The following FAM20C variants were observed in gnomAD, a reference collection of about 807,000 sequenced individuals.
FAM20C encodes FAM20C golgi associated secretory pathway kinase.
A neutral mutation model predicts 51.5 loss-of-function variants in FAM20C; 40 were observed. That is an observed-to-expected ratio of 0.78 (90% CI 0.60 to 1.01). The LOEUF (loss-of-function observed/expected upper bound fraction) is 1.01, where lower values mean the gene tolerates loss of function less well. FAM20C is among the 50% of genes least tolerant of loss of function. FAM20C has a pLI of 0.00. For missense variants in FAM20C, 861 were observed against 844.7 expected, an observed-to-expected ratio of 1.02 and a Z score of -0.24; for synonymous variants, 406 against 380.6, an observed-to-expected ratio of 1.07 and a Z score of -0.78.
At chr7:200,162 C>T (rs1292471192) in intron 2 of FAM20C, among the ~76,000 whole-genome samples, 1 of 152,212 alleles carries the variant, frequency 6.6e-6, no homozygotes, top group South Asian at 2.1e-4. Flanking sequence ...CGTGTCTGTT[C>T]CTTGGGAGCA....
intron 3 of FAM20C, 62 bp from the exon 4 acceptor site, chr7:246,353 C>T: frequency 7.2e-7 from 1 of 1,393,338 alleles, no homozygotes; most frequent in Non-Finnish European, 9.8e-7. Context: ...GTCCCGCCTG[C>T]CTCCGGCCCC....
At chr7:259,204 C>T (rs562589640) in intron 9 of FAM20C, among the ~76,000 whole-genome samples, 10 of 148,486 alleles carry the variant, frequency 6.7e-5, no homozygotes, top group East Asian at 3.9e-4. Flanking sequence ...GTGAGTGGGC[C>T]GCCCTCCTCA....
In FAM20C at chr7:255,899, C is replaced by T; in HGVS notation, c.1123C>T (p.His375Tyr). The part of the protein sequence containing the change: ...GECSYYCSTE[H>Y]ALCGKPDQIE... The stretch of plus-strand genomic sequence containing the variant: ...GTGTTCCTACTACTGCTCCACGGAG[C>T]ACGCCCTGTGCGGGAAGCCAGACCA... Residue 375 changes from histidine (H) to tyrosine (Y), a missense_variant, in exon 6 of 10, where the codon CAC becomes TAC. By Grantham distance (83) the His-to-Tyr change is moderately conservative (BLOSUM62 2). Coordinates refer to ENST00000313766, the MANE Select transcript of FAM20C (RefSeq NM_020223.4). 2 of 1,536,442 alleles carry T rather than the reference C, an allele frequency of 1.3e-6. No homozygotes were observed. Among genetic ancestry groups the T allele is most frequent in the Non-Finnish European group, 8.7e-7 (1 of 1,146,864 alleles).
chr7:247,443 G>A (rs1021836751), intron 4 of FAM20C, among the ~76,000 whole-genome samples: 9 of 152,182 alleles, frequency 5.9e-5, no homozygotes, highest in Admixed American at 2.6e-4. Context: ...CCCCAGGGCC[G>A]GCAGCATTGG....
intron 3 of FAM20C, among the ~76,000 whole-genome samples, chr7:242,995 GGGAGACCTGTGCCACCA>G (rs1387826606): frequency 1.1e-4 from 16 of 144,352 alleles, no homozygotes; most frequent in South Asian, 2.3e-4. Flanking sequence ...TGTGCCACCC[GGGAGACCTGTGCCACCA>G]GGAGACCTGT....
Position 259,887 on chromosome 7 carries a change from A to G in FAM20C, c.1662A>G (p.Leu554=), listed in dbSNP as rs752200167. The G allele has an allele frequency of 2.6e-6, 4 of 1,535,828 alleles. No individual in the cohort carries two copies. The African/African-American group carries it at 4.1e-5, about 16-fold the overall frequency. ...TGGACCGGCGGCTCCGCGTCGTGCT[A>G]AAGGCCGTCCGGGACTGCGTGGAGA... ...EALDRRLRVV[L]KAVRDCVERN... is the part of the protein sequence containing the mutation. Residue 554 remains leucine, a synonymous_variant, in exon 10 of 10, where the codon CTA becomes CTG. Transcript: ENST00000313766.
At chr7:211,692 C>T (rs948889324) in intron 3 of FAM20C, among the ~76,000 whole-genome samples, 4 of 152,086 alleles carry the variant, frequency 2.6e-5, no homozygotes, top group African/African-American at 9.7e-5. Context: ...GTGGGCTAAG[C>T]GGGGAGGTGG....
At chr7:202,564 A>G (rs1387425481) in intron 2 of FAM20C, among the ~76,000 whole-genome samples, 4,531 of 40,872 alleles carry the variant, frequency 0.11, no homozygotes, top group Middle Eastern at 0.23. Flanking sequence ...GAGGACGGGT[A>G]GCTGCTGGGT....
rs1788824038 is a variant in FAM20C at position 260,141 on chromosome 7, G to C, written c.*161G>C. 2 of 998,516 alleles carry C rather than the reference G, an allele frequency of 2.0e-6. No homozygotes were observed. The highest frequency in any genetic ancestry group is 1.6e-5 in the African/African-American group (1 of 61,040). 61.9% of individuals were successfully genotyped at this position (998,516 alleles called of 1,614,324 possible). ...AGGCGAGGCTCCCCAGGTCTCATAG[G>C]ACACATTTTGTCAGTGTTTGACCAG... On this transcript the variant is annotated 3_prime_UTR_variant, in exon 10 of 10. Coordinates refer to ENST00000313766, the MANE Select transcript of FAM20C (RefSeq NM_020223.4).
chr7:217,340 C>T (rs1787030339), intron 3 of FAM20C, among the ~76,000 whole-genome samples: 1 of 12,750 alleles, frequency 7.8e-5, no homozygotes, highest in Non-Finnish European at 2.2e-4. Flanking sequence ...GCTCCTGTTG[C>T]TTTCTCTAGG....
intron 8 of FAM20C, among the ~76,000 whole-genome samples, 194 bp from the exon 9 acceptor site, chr7:258,449 TGGG>T (rs1788731995): frequency 3.1e-5 from 1 of 32,212 alleles, no homozygotes; most frequent in African/African-American, 1.2e-4. Flanking sequence ...TGGAGATGGG[TGGG>T]ATGGACCCAC....
Position 209,022 on chromosome 7 carries a change from C to T in FAM20C, c.863+46C>T, listed in dbSNP as rs113914816. Reference sequence around the variant, plus strand: ...GCTGGGGCGTGAGGAGCTGGAGCTGCAGGCGAGCAGGCGCCGGGCTTCTGC... The same window carrying T: ...GCTGGGGCGTGAGGAGCTGGAGCTGTAGGCGAGCAGGCGCCGGGCTTCTGC... On this transcript the variant is annotated intron_variant, in intron 3 of 9. Coordinates refer to ENST00000313766, the MANE Select transcript of FAM20C (RefSeq NM_020223.4). 43 of 1,539,554 alleles carry T rather than the reference C, an allele frequency of 2.8e-5. 1 individual carries two copies. In the South Asian group the frequency reaches 5.0e-4, roughly 18 times the overall value.
intron 4 of FAM20C, among the ~76,000 whole-genome samples, chr7:246,870 G>A (rs983489625): frequency 4.6e-5 from 7 of 152,102 alleles, no homozygotes; most frequent in African/African-American, 1.4e-4. Flanking sequence ...AGGTTCCCAC[G>A]CTCCTAATCA....
At chr7:216,629 GT>G (rs1786979976) in intron 3 of FAM20C, among the ~76,000 whole-genome samples, 1 of 67,900 alleles carries the variant, frequency 1.5e-5, no homozygotes, top group African/African-American at 7.0e-5. Context: ...ATGAGTGTGT[GT>G]GAGTGTGTGT....
intron 2 of FAM20C, among the ~76,000 whole-genome samples, chr7:205,281 C>T (rs59697038): frequency 0.049 from 6,811 of 138,650 alleles, 494 homozygotes; most frequent in African/African-American, 0.16. Flanking sequence ...CCCGAGTAGC[C>T]GGGACCACGG....
chr7:214,455 A>G lies in FAM20C; in HGVS notation c.863+5479A>G, dbSNP rs57812389. Among the ~76,000 whole-genome samples, 809 of 152,340 alleles carry G rather than the reference A, an allele frequency of 5.3e-3. 12 individuals are homozygous for G. Among genetic ancestry groups the G allele is most frequent in the African/African-American group, 0.018 (749 of 41,552 alleles). ...TTGTTATTCTCGTGCTTTTGGTGTAATTACGTTTGAATGCTGAAAGCACGT... is the reference window on the plus strand; with the variant it reads ...TTGTTATTCTCGTGCTTTTGGTGTAGTTACGTTTGAATGCTGAAAGCACGT... On this transcript the variant is annotated intron_variant, in intron 3 of 9. Transcript: ENST00000313766.
intron 2 of FAM20C, among the ~76,000 whole-genome samples, chr7:207,577 C>T (rs1401929713): frequency 8.5e-5 from 13 of 152,228 alleles, no homozygotes; most frequent in Admixed American, 3.9e-4. Flanking sequence ...CCCTTTGCAC[C>T]GGAGCAGTCG....
intron 3 of FAM20C, among the ~76,000 whole-genome samples, chr7:232,491 A>C (rs1333924047): frequency 6.6e-6 from 1 of 152,224 alleles, no homozygotes; most frequent in African/African-American, 2.4e-5. Context: ...AGGTTTTGCG[A>C]ATCAATTCAC....
At chr7:235,236 G>T (rs1787812862) in intron 3 of FAM20C, among the ~76,000 whole-genome samples, 1 of 152,108 alleles carries the variant, frequency 6.6e-6, no homozygotes, top group Admixed American at 6.5e-5. Context: ...CCAGGCTGTG[G>T]CATTTTCAAA....
Sources: gnomAD v4.1 joint callset for allele counts (sites outside exome capture counted in the v4.1 genomes callset) on GRCh38, gnomAD v4.1.1 for gene constraint, MANE v1.5 for transcripts, NCBI Gene and HGNC (gene_info 2026-07-23, HGNC 2026-07-21) for gene names.